CTNNB1: variants seen among roughly 807,000 people sequenced by gnomAD.
CTNNB1 encodes catenin beta-1.
Under a neutral mutation model 82.5 loss-of-function variants are expected in CTNNB1, and 6 were observed. That is an observed-to-expected ratio of 0.07 (90% CI 0.04 to 0.14). The LOEUF (loss-of-function observed/expected upper bound fraction) is 0.14, where lower values mean the gene tolerates loss of function less well. Ranked by LOEUF, CTNNB1 falls within the 10% of genes least tolerant of loss-of-function variation. The probability of loss-of-function intolerance (pLI) is 1.00; values close to 1 mark genes in which losing one functional copy is unlikely to be tolerated. For synonymous variants in CTNNB1, 312 were observed against 329.7 expected, an observed-to-expected ratio of 0.95 and a Z score of 0.58; for missense variants, 529 against 980.4, an observed-to-expected ratio of 0.54 and a Z score of 6.15.
chr3:41,236,393 G>C lies in CTNNB1; in HGVS notation c.1848G>C (p.Gly616=), dbSNP rs753698017. 2.5e-6 allele frequency: 4 copies of C among 1,614,148 alleles called. No homozygotes were observed. The South Asian group carries it at 4.4e-5, about 18-fold the overall frequency. The change falls in exon 12 of 15, where the codon GGG becomes GGC. Residue 616 remains glycine, a synonymous_variant. Transcript: ENST00000349496. ...PIENIQRVAA[G]VLCELAQDKE... ...AAAACATCCAAAGAGTAGCTGCAGG[G>C]GTCCTCTGTGAACTTGCTCAGGACA...
At chr3:41,233,136 G>A in intron 7 of CTNNB1, 3 of 624,178 alleles carry the variant, frequency 4.8e-6, no homozygotes, top group Non-Finnish European at 8.5e-6. Context: ...GTAGCTATTT[G>A]AGAGTTTGTC....
chr3:41,221,564 G>C (rs981157837), intron 1 of CTNNB1: 1 of 151,984 alleles, frequency 6.6e-6, no homozygotes, highest in Non-Finnish European at 1.5e-5. Flanking sequence ...GGCTGGTCTT[G>C]GAACTCTTGT....
intron 10 of CTNNB1, chr3:41,235,043 T>C (rs1186581578): frequency 6.5e-6 from 1 of 154,234 alleles, no homozygotes; most frequent in Non-Finnish European, 1.4e-5. Flanking sequence ...TAATAGAACG[T>C]TGAGGGCACC....
At chr3:41,227,061 C>T (rs973230809) in intron 6 of CTNNB1, 147 bp from the exon 7 acceptor site, 1 of 681,376 alleles carries the variant, frequency 1.5e-6, no homozygotes, top group Non-Finnish European at 2.5e-6. Flanking sequence ...GTATGGGGGT[C>T]TGAGTGATGG....
rs527506436 is a variant in CTNNB1 at position 41,239,065 on chromosome 3, A to G, written c.2138-69A>G. On this transcript the variant is annotated intron_variant, in intron 14 of 14. Transcript: ENST00000349496. ...TGCCCTAACCTCAGTGTTAACGTCTATGTCTGCTTCTCTCCTCTCTCTTTT... is the reference window on the plus strand; with the variant it reads ...TGCCCTAACCTCAGTGTTAACGTCTGTGTCTGCTTCTCTCCTCTCTCTTTT... 57 of 1,320,084 alleles carry G rather than the reference A, an allele frequency of 4.3e-5. No homozygotes were observed. The African/African-American group carries it at 6.2e-4, about 14-fold the overall frequency. The allele number at this position is 1,320,084 out of a possible 1,614,324, so 81.8% of individuals were successfully genotyped here.
chr3:41,203,925 A>G (rs1177689361), intron 1 of CTNNB1, among the ~76,000 whole-genome samples: 3 of 152,194 alleles, frequency 2.0e-5, no homozygotes, highest in Non-Finnish European at 2.9e-5. Flanking sequence ...TTAGATTTTT[A>G]AAAATTTGTT....
At chr3:41,213,977 A>G (rs1348623726) in intron 1 of CTNNB1, among the ~76,000 whole-genome samples, 1 of 152,238 alleles carries the variant, frequency 6.6e-6, no homozygotes, top group Non-Finnish European at 1.5e-5. Context: ...TGTTTGGAAG[A>G]ATAACATAAA....
chr3:41,209,571 G>A (rs945638463), intron 1 of CTNNB1, among the ~76,000 whole-genome samples: 1 of 152,170 alleles, frequency 6.6e-6, no homozygotes, highest in African/African-American at 2.4e-5. Context: ...ATTCAGAAAT[G>A]CGTCATTAGG....
intron 6 of CTNNB1, 55 bp from the exon 7 acceptor site, chr3:41,227,153 C>T (rs1449289754): frequency 6.9e-7 from 1 of 1,453,764 alleles, no homozygotes; most frequent in Non-Finnish European, 9.6e-7. Context: ...TGGCTCTTCT[C>T]AGACATGTGA....
In CTNNB1 at chr3:41,233,499, T is replaced by C. The variant is rs2078359621; in HGVS notation, c.1186-30T>C. On this transcript the variant is annotated intron_variant, in intron 8 of 14. Coordinates refer to ENST00000349496, the MANE Select transcript of CTNNB1 (RefSeq NM_001904.4). ...AATAGAGTCAAGATGAGTATGTGCT[T>C]GTACTGACCATCTGTTTTTATCTCC... The C allele has an allele frequency of 1.9e-6, 3 of 1,613,110 alleles. No homozygotes were observed. The African/African-American group carries it at 4.0e-5, about 22-fold the overall frequency.
chr3:41,226,711 G>A (rs2078184190), intron 6 of CTNNB1, among the ~76,000 whole-genome samples: 1 of 152,082 alleles, frequency 6.6e-6, no homozygotes, highest in Admixed American at 6.5e-5. Context: ...GAAAATTGGG[G>A]CAGTGTTGAA....
chr3:41,236,050 G>C (rs1399252733), intron 11 of CTNNB1: 3 of 725,676 alleles, frequency 4.1e-6, no homozygotes, highest in Non-Finnish European at 6.9e-6. Context: ...TGGGTGCCTA[G>C]AGGGGAGAGC....
intron 1 of CTNNB1, among the ~76,000 whole-genome samples, chr3:41,215,382 C>CAA (rs35166040): frequency 0.058 from 2,787 of 48,030 alleles, 240 homozygotes; most frequent in Middle Eastern, 0.1. Flanking sequence ...AACACCATCT[C>CAA]AAAAAAAAAA....
chr3:41,210,852 C>T (rs952947975), intron 1 of CTNNB1, among the ~76,000 whole-genome samples: 6 of 151,474 alleles, frequency 4.0e-5, no homozygotes, highest in East Asian at 1.9e-4. Context: ...TGCAGTGGTG[C>T]GAGGATAGCT....
At chr3:41,202,234 C>T (rs954865570) in intron 1 of CTNNB1, among the ~76,000 whole-genome samples, 2 of 152,078 alleles carry the variant, frequency 1.3e-5, no homozygotes, top group Non-Finnish European at 2.9e-5. Context: ...TTTTATTTCT[C>T]TTGTGGTTTC....
At chr3:41,217,335 T>G (rs923716679) in intron 1 of CTNNB1, among the ~76,000 whole-genome samples, 1 of 152,232 alleles carries the variant, frequency 6.6e-6, no homozygotes, top group African/African-American at 2.4e-5. Context: ...TAAATTTTCT[T>G]TTAAATTGCT....
rs538648933 is a variant in CTNNB1 at position 41,224,330 on chromosome 3, C to CT, written c.14-195dup. 5.4e-4 allele frequency: 376 copies of CT among 702,468 alleles called. No individual in the cohort carries two copies. In the African/African-American group the frequency reaches 5.8e-3, roughly 11 times the overall value. 43.5% of individuals were successfully genotyped at this position (702,468 alleles called of 1,614,324 possible). A position where few individuals can be genotyped will look rare whatever the true frequency, so the allele number is the denominator to read the frequency against. On this transcript the variant is annotated intron_variant, in intron 2 of 14. Transcript: ENST00000349496. ...ATTCTTCCACTGATTCAGTGAGTAA[C>CT]TGTTAGGTGGTTCCCTAAGGGATTA... is the stretch of plus-strand genomic sequence containing the variant.
chr3:41,224,475 TTAAAG>T, intron 2 of CTNNB1, 46 bp from the exon 3 acceptor site: 3 of 1,500,064 alleles, frequency 2.0e-6, no homozygotes, highest in African/African-American at 1.4e-5. Context: ...TTTTTTTAAA[TTAAAG>T]TAACATTTCC....
At position 41,225,061 on chromosome 3, in the gene CTNNB1, G is replaced by C. The variant is rs2078142518; in HGVS notation, c.349G>C (p.Ala117Pro). The C allele has an allele frequency of 6.2e-7, 1 of 1,614,064 alleles. No homozygotes were observed. Among genetic ancestry groups the C allele is most frequent in the Non-Finnish European group, 8.5e-7 (1 of 1,179,982 alleles). Residue 117 changes from alanine to proline, a missense_variant, in exon 4 of 15, where the codon GCT (alanine) becomes CCT (proline). This residue lies in a region of CTNNB1 where 411 missense variants were observed against 776.4 expected (regional missense o/e 0.53). Transcript: ENST00000349496. This position sits in a 1 kb window ranked among gnomAD's most constrained non-coding sequence, Gnocchi z 5.3. The stretch of plus-strand genomic sequence containing the variant: ...GATCCCATCTACACAGTTTGATGCT[G>C]CTCATCCCACTAATGTCCAGCGTTT... ...MQIPSTQFDA[A>P]HPTNVQRLAE...
Sources: gnomAD v4.1 joint callset for allele counts (sites outside exome capture counted in the v4.1 genomes callset) on GRCh38, gnomAD v4.1.1 for gene constraint, gnomAD v4.1.1 regional missense constraint, Gnocchi (gnomAD v3.1) non-coding constraint, MANE v1.5 for transcripts, NCBI Gene and HGNC (gene_info 2026-07-23, HGNC 2026-07-21) for gene names.